Variants in SH3RF3 observed in about 807,000 individuals in gnomAD.
The protein encoded by SH3RF3 is SH3 domain containing ring finger 3.
SH3RF3 carries 29 observed loss-of-function variants against 66.3 expected under a neutral mutation model. The observed-to-expected ratio is 0.44, with a 90% CI of 0.33 to 0.60. SH3RF3 has a LOEUF of 0.60. Ranked by LOEUF, SH3RF3 falls within the 20% of genes least tolerant of loss-of-function variation. The probability of loss-of-function intolerance (pLI) is 0.04; values close to 1 mark genes in which losing one functional copy is unlikely to be tolerated. For synonymous variants in SH3RF3, 583 were observed against 532.0 expected (o/e 1.10, Z -1.32); for missense variants, 1,194 against 1,190.9 (o/e 1.00, Z -0.04).
intron 8 of SH3RF3, among the ~76,000 whole-genome samples, chr2:109,473,364 T>C (rs76553841): frequency 0.014 from 2,124 of 152,228 alleles, 54 homozygotes; most frequent in East Asian, 0.061. Flanking sequence ...TGACATCGTG[T>C]TCAGAATAGG....
At chr2:109,388,005 G>A (rs975780478) in intron 3 of SH3RF3, among the ~76,000 whole-genome samples, 1 of 152,070 alleles carries the variant, frequency 6.6e-6, no homozygotes, top group African/African-American at 2.4e-5. Flanking sequence ...TTCAGGAGTC[G>A]ACAGAAGCTT....
intron 1 of SH3RF3, among the ~76,000 whole-genome samples, chr2:109,220,357 G>A (rs879701404): frequency 2.0e-5 from 3 of 152,104 alleles, no homozygotes; most frequent in African/African-American, 7.2e-5. Context: ...TTCATGGCCT[G>A]GAATTAGGCA....
chr2:109,369,663 G>A (rs1683223799), intron 2 of SH3RF3, among the ~76,000 whole-genome samples: 1 of 152,196 alleles, frequency 6.6e-6, no homozygotes, highest in Non-Finnish European at 1.5e-5. Flanking sequence ...GGGCGGTTTG[G>A]AAGAGGCATG....
At chr2:109,329,244 C>G (rs561372445) in intron 1 of SH3RF3, among the ~76,000 whole-genome samples, 1 of 152,254 alleles carries the variant, frequency 6.6e-6, no homozygotes, top group Admixed American at 6.5e-5. Context: ...TGACCAGACC[C>G]CATGAAGCCT....
intron 1 of SH3RF3, among the ~76,000 whole-genome samples, chr2:109,319,656 A>C (rs552129212): frequency 2.0e-5 from 3 of 152,034 alleles, no homozygotes; most frequent in African/African-American, 7.2e-5. Context: ...TCCCCTTATC[A>C]TCTCCTCCTC....
rs1173876504 is a variant in SH3RF3 at position 109,336,854 on chromosome 2, G to A, written c.574-10820G>A. Among the ~76,000 whole-genome samples the A allele has an allele frequency of 6.6e-5, 10 of 152,124 alleles. No homozygotes were observed. The East Asian group carries it at 1.8e-3, about 27-fold the overall frequency. ...ACCCTCTCCTGCTCCAACCGTATCC[G>A]TCAACACCTGGTGCAGTGAAGAATT... On this transcript the variant is annotated intron_variant, in intron 1 of 9. Transcript: ENST00000309415.
At chr2:109,378,219 G>A (rs1683433867) in intron 3 of SH3RF3, among the ~76,000 whole-genome samples, 2 of 152,350 alleles carry the variant, frequency 1.3e-5, no homozygotes, top group South Asian at 2.1e-4. Flanking sequence ...TCACCCACCG[G>A]CTTGCACTCT....
chr2:109,436,748 G>C lies in SH3RF3; in HGVS notation c.1575-145G>C, dbSNP rs554807387. The C allele has an allele frequency of 3.9e-6, 5 of 1,283,774 alleles. No individual in the cohort carries two copies. In the South Asian group the frequency reaches 6.2e-5, roughly 16 times the overall value. 79.5% of individuals were successfully genotyped at this position (1,283,774 alleles called of 1,614,324 possible). ...AAACAGGGCCCTTCTGCCCAGTGAC[G>C]GGCATTGTTTTAGGACCTCGTCCCC... On this transcript the variant is annotated intron_variant, in intron 6 of 9. Coordinates refer to ENST00000309415, the MANE Select transcript of SH3RF3 (RefSeq NM_001099289.3).
At chr2:109,253,118 C>T (rs1377504071) in intron 1 of SH3RF3, among the ~76,000 whole-genome samples, 1 of 152,124 alleles carries the variant, frequency 6.6e-6, no homozygotes, top group African/African-American at 2.4e-5. Flanking sequence ...ACCTCCACCT[C>T]ACGAGTTCAA....
At chr2:109,308,463 A>G (rs1460714421) in intron 1 of SH3RF3, among the ~76,000 whole-genome samples, 1 of 72,776 alleles carries the variant, frequency 1.4e-5, no homozygotes, top group Non-Finnish European at 2.4e-5. Context: ...TTTTGTTGCC[A>G]TTGCTTTTGG....
At chr2:109,469,612 C>G (rs571305798) in intron 8 of SH3RF3, among the ~76,000 whole-genome samples, 31 of 152,206 alleles carry the variant, frequency 2.0e-4, no homozygotes, top group African/African-American at 7.5e-4. Context: ...GGAGCTGGGC[C>G]CCAGTGGCTC....
chr2:109,248,646 A>G (rs1174450916), intron 1 of SH3RF3, among the ~76,000 whole-genome samples: 1 of 152,234 alleles, frequency 6.6e-6, no homozygotes, highest in African/African-American at 2.4e-5. Context: ...GTGCAAGCAA[A>G]TAATTAGTAC....
chr2:109,452,573 C>G (rs1260248018), intron 8 of SH3RF3, among the ~76,000 whole-genome samples: 2 of 152,180 alleles, frequency 1.3e-5, no homozygotes, highest in Admixed American at 6.5e-5. Flanking sequence ...CTCCTGGGCG[C>G]CGTAGAGTAG....
intron 4 of SH3RF3, among the ~76,000 whole-genome samples, chr2:109,402,505 G>A (rs1676342493): frequency 6.6e-6 from 1 of 152,224 alleles, no homozygotes; most frequent in Non-Finnish European, 1.5e-5. Flanking sequence ...ACGTGGAGTG[G>A]ACAGAGCAGG....
chr2:109,301,184 A>G (rs576001193), intron 1 of SH3RF3, among the ~76,000 whole-genome samples: 1 of 152,132 alleles, frequency 6.6e-6, no homozygotes, highest in Non-Finnish European at 1.5e-5. Context: ...CAAGAGGGGG[A>G]TTGCCCTGGT....
At chr2:109,417,338 A>G (rs1573234819) in intron 4 of SH3RF3, among the ~76,000 whole-genome samples, 1 of 152,124 alleles carries the variant, frequency 6.6e-6, no homozygotes, top group Admixed American at 6.5e-5. Flanking sequence ...GGAGTTCTCT[A>G]GAAGGAAAGT....
chr2:109,360,030 G>T (rs924619316), intron 2 of SH3RF3, among the ~76,000 whole-genome samples: 5 of 150,050 alleles, frequency 3.3e-5, no homozygotes, highest in African/African-American at 1.2e-4. Context: ...CCCACTTACT[G>T]GTCCCTTAAC....
intron 1 of SH3RF3, among the ~76,000 whole-genome samples, chr2:109,315,488 G>A (rs1681856236): frequency 1.3e-5 from 2 of 152,234 alleles, no homozygotes; most frequent in Admixed American, 1.3e-4. Context: ...AGGCAGTAAG[G>A]AACTGTCTCA....
intron 1 of SH3RF3, among the ~76,000 whole-genome samples, chr2:109,320,176 G>A (rs555250908): frequency 1.8e-3 from 280 of 152,262 alleles, no homozygotes; most frequent in Non-Finnish European, 3.3e-3. Context: ...TCTCATGGCC[G>A]TCACAGCCCT....
Sources: gnomAD v4.1 joint callset for allele counts (sites outside exome capture counted in the v4.1 genomes callset) on GRCh38, gnomAD v4.1.1 for gene constraint, MANE v1.5 for transcripts, NCBI Gene and HGNC (gene_info 2026-07-23, HGNC 2026-07-21) for gene names.